The following CPPED1 variants were observed in gnomAD, a reference collection of about 807,000 sequenced individuals.
CPPED1 encodes calcineurin like phosphoesterase domain containing 1.
A neutral mutation model predicts 28.0 loss-of-function variants in CPPED1; 28 were observed. That is an observed-to-expected ratio of 1.00 (90% confidence interval 0.74 to 1.37). CPPED1 has a LOEUF of 1.37. Ranked by LOEUF, CPPED1 falls within the 40% of genes most tolerant of loss-of-function variation. The pLI, the probability that CPPED1 is intolerant of heterozygous loss-of-function variation, is 0.00. For missense variants in CPPED1, 504 were observed against 416.5 expected, an observed-to-expected ratio of 1.21 and a Z score of -1.83; for synonymous variants, 198 against 180.2, an observed-to-expected ratio of 1.10 and a Z score of -0.79.
chr16:12,714,943 G>C (rs1400451333), intron 2 of CPPED1, among the ~76,000 whole-genome samples: 1 of 140,784 alleles, frequency 7.1e-6, no homozygotes, highest in Non-Finnish European at 1.6e-5. Context: ...TTTGGGCTTT[G>C]ATCCATTTTG....
At chr16:12,677,370 G>A (rs1161881590) in intron 3 of CPPED1, among the ~76,000 whole-genome samples, 1 of 152,214 alleles carries the variant, frequency 6.6e-6, no homozygotes, top group Non-Finnish European at 1.5e-5. Context: ...TGGGCGCGGT[G>A]GCTTATGCCT....
At chr16:12,773,002 T>G (rs1220446077) in intron 2 of CPPED1, among the ~76,000 whole-genome samples, 2 of 152,214 alleles carry the variant, frequency 1.3e-5, no homozygotes, top group Admixed American at 1.3e-4. Context: ...CAGCCCTTTG[T>G]CACTTGGAAG....
intron 2 of CPPED1, chr16:12,745,934 C>G (rs967761436): frequency 2.0e-5 from 3 of 151,914 alleles, no homozygotes; most frequent in African/African-American, 7.3e-5. Context: ...AAGAGAAAAT[C>G]TGAAAAGCAG....
At chr16:12,803,001 A>G (rs2080669914) in intron 1 of CPPED1, among the ~76,000 whole-genome samples, 1 of 152,250 alleles carries the variant, frequency 6.6e-6, no homozygotes, top group Admixed American at 6.5e-5. Context: ...TCAACAAACC[A>G]GAAACAAACC....
In CPPED1 at chr16:12,695,661, T is replaced by G. The variant is rs190471898; in HGVS notation, c.715+8963A>C. Reference sequence around the variant, plus strand: ...AGAATAGAACATACTCTTGCCAATCTCCGGTTTTGGCCAATCACAGGCAGT... The same window carrying G: ...AGAATAGAACATACTCTTGCCAATCGCCGGTTTTGGCCAATCACAGGCAGT... On this transcript the variant is annotated intron_variant, in intron 3 of 3. Transcript: ENST00000381774. Among the ~76,000 whole-genome samples the G allele has an allele frequency of 5.9e-5, 9 of 152,298 alleles. 1 individual carries two copies. Among genetic ancestry groups the G allele is most frequent in the African/African-American group, 1.9e-4 (8 of 41,556 alleles).
At chr16:12,713,873 C>T (rs1016136353) in intron 2 of CPPED1, among the ~76,000 whole-genome samples, 2 of 152,048 alleles carry the variant, frequency 1.3e-5, no homozygotes, top group African/African-American at 2.4e-5. Flanking sequence ...TCATGAAAAT[C>T]AATTGTGGGA....
intron 2 of CPPED1, among the ~76,000 whole-genome samples, chr16:12,778,428 C>T (rs2080511165): frequency 1.3e-5 from 2 of 151,352 alleles, no homozygotes; most frequent in South Asian, 4.2e-4. Flanking sequence ...AGGTGTACAC[C>T]ACCATGCCCG....
intron 3 of CPPED1, among the ~76,000 whole-genome samples, chr16:12,679,447 G>C (rs999987284): frequency 6.6e-6 from 1 of 152,144 alleles, no homozygotes; most frequent in Non-Finnish European, 1.5e-5. Flanking sequence ...AAAGTGGGAG[G>C]AGGGAAATTT....
At chr16:12,713,638 G>A (rs2080091675) in intron 2 of CPPED1, among the ~76,000 whole-genome samples, 1 of 151,960 alleles carries the variant, frequency 6.6e-6, no homozygotes, top group African/African-American at 2.4e-5. Flanking sequence ...TAGAATTACA[G>A]GTGTGAGCCA....
chr16:12,670,331 A>G lies in CPPED1; in HGVS notation c.716-5216T>C, dbSNP rs2079847155. On this transcript the variant is annotated intron_variant, in intron 3 of 3. Transcript: ENST00000381774. The surrounding 1 kb of genome is among the most constrained non-coding windows in gnomAD (Gnocchi z 4.2). Reference sequence around the variant, plus strand: ...ATAAAAACTTTGCAAGACCATAATAATAAACTACTGAATAAATAAATAAAT... The same window carrying G: ...ATAAAAACTTTGCAAGACCATAATAGTAAACTACTGAATAAATAAATAAAT... Among the ~76,000 whole-genome samples the G allele has an allele frequency of 6.6e-6, 1 of 152,176 alleles. No individual in the cohort carries two copies. The highest frequency in any genetic ancestry group is 2.4e-5 in the African/African-American group (1 of 41,434).
chr16:12,733,821 C>G (rs1335778421), intron 2 of CPPED1, among the ~76,000 whole-genome samples: 3 of 152,242 alleles, frequency 2.0e-5, no homozygotes, highest in African/African-American at 7.2e-5. Context: ...AGGAGTTGTG[C>G]ACTGCTGCTT....
rs71142518 is a variant in CPPED1 at position 12,746,373 on chromosome 16, C to CAAAA, written c.289+34808_289+34811dup. On this transcript the variant is annotated intron_variant, in intron 2 of 3. Transcript: ENST00000381774. ...TAGGCGACAGAGCAAGACTCTGACT[C>CAAAA]AAAAAAAAAAAAAAAAAAAAAATTC... 1.7e-4 allele frequency among the ~76,000 whole-genome samples: 18 copies of CAAAA among 105,484 alleles called. 1 individual carries two copies. Among genetic ancestry groups the CAAAA allele is most frequent in the African/African-American group, 3.4e-4 (9 of 26,340 alleles). 69.2% of individuals were successfully genotyped at this position (105,484 alleles called of 152,430 possible).
chr16:12,791,046 C>CTT (rs111503541), intron 1 of CPPED1, among the ~76,000 whole-genome samples: 14 of 141,968 alleles, frequency 9.9e-5, no homozygotes, highest in African/African-American at 2.8e-4. Context: ...AATCCATCAT[C>CTT]TTTTTTTTTT....
chr16:12,767,256 T>C (rs918332808), intron 2 of CPPED1, among the ~76,000 whole-genome samples: 1 of 152,142 alleles, frequency 6.6e-6, no homozygotes, highest in African/African-American at 2.4e-5. Context: ...AGTGCCGATG[T>C]CCAGGGGCAG....
At chr16:12,730,094 T>A (rs2080189566) in intron 2 of CPPED1, among the ~76,000 whole-genome samples, 1 of 152,154 alleles carries the variant, frequency 6.6e-6, no homozygotes, top group African/African-American at 2.4e-5. Context: ...ACTCTTGGCC[T>A]GAAGCAATCC....
At chr16:12,772,175 G>A (rs1359984145) in intron 2 of CPPED1, among the ~76,000 whole-genome samples, 1 of 152,118 alleles carries the variant, frequency 6.6e-6, no homozygotes, top group Non-Finnish European at 1.5e-5. Context: ...TGAGGAAGGA[G>A]TGTTGATGGT....
chr16:12,729,693 A>G (rs2080187641), intron 2 of CPPED1, among the ~76,000 whole-genome samples: 1 of 152,220 alleles, frequency 6.6e-6, no homozygotes, highest in African/African-American at 2.4e-5. Flanking sequence ...TCTTAAAGTC[A>G]TAATAAAGGT....
At chr16:12,714,249 T>C (rs896482888) in intron 2 of CPPED1, among the ~76,000 whole-genome samples, 4 of 152,226 alleles carry the variant, frequency 2.6e-5, no homozygotes, top group African/African-American at 4.8e-5. Context: ...AAAATCCACG[T>C]GCAAGTTTTT....
intron 1 of CPPED1, among the ~76,000 whole-genome samples, chr16:12,802,564 G>A (rs2080667129): frequency 6.6e-6 from 1 of 152,226 alleles, no homozygotes; most frequent in Non-Finnish European, 1.5e-5. Flanking sequence ...TCGTGCCACT[G>A]CACTCCAGCC....
Sources: allele counts gnomAD v4.1 joint callset (sites outside exome capture counted in the v4.1 genomes callset), GRCh38; gene constraint gnomAD v4.1.1; non-coding constraint Gnocchi (gnomAD v3.1); transcripts MANE v1.5; gene names NCBI Gene and HGNC (gene_info 2026-07-23, HGNC 2026-07-21).